Variants in OPCML observed in about 807,000 individuals in gnomAD.
The protein encoded by OPCML is opioid-binding protein/cell adhesion molecule.
Under a neutral mutation model 37.8 loss-of-function variants are expected in OPCML, and 13 were observed. The ratio of observed to expected loss-of-function variants is 0.34; its 90% CI spans 0.22 to 0.55. The LOEUF is 0.55. OPCML is among the 20% of genes least tolerant of loss of function. The probability of loss-of-function intolerance (pLI) is 0.91; values close to 1 mark genes in which losing one functional copy is unlikely to be tolerated. For missense variants in OPCML, 341 were observed against 435.6 expected (o/e 0.78, Z 1.93); for synonymous variants, 176 against 168.8 (o/e 1.04, Z -0.33).
At chr11:132,618,946 C>T (rs1939207182) in intron 3 of OPCML, among the ~76,000 whole-genome samples, 1 of 125,100 alleles carries the variant, frequency 8.0e-6, no homozygotes, top group Admixed American at 8.9e-5. Context: ...CACACACAAG[C>T]ACACGCATAC....
At chr11:132,499,112 G>A (rs1264727471) in intron 4 of OPCML, among the ~76,000 whole-genome samples, 2 of 152,204 alleles carry the variant, frequency 1.3e-5, no homozygotes, top group African/African-American at 4.8e-5. Context: ...GTCAGGTGGA[G>A]AAGGAACAAG....
intron 2 of OPCML, among the ~76,000 whole-genome samples, chr11:132,701,206 G>T (rs1943799705): frequency 6.6e-6 from 1 of 152,174 alleles, no homozygotes; most frequent in Non-Finnish European, 1.5e-5. Flanking sequence ...TTACATGTTG[G>T]CAGGCAAGAG....
intron 4 of OPCML, among the ~76,000 whole-genome samples, chr11:132,528,064 G>A (rs1236876393): frequency 6.6e-6 from 1 of 152,138 alleles, no homozygotes. Flanking sequence ...CAGACATCTA[G>A]CCTCCAGAGA....
chr11:133,531,134 C>T lies in OPCML; in HGVS notation c.61+1130G>A, dbSNP rs78333211. Among the ~76,000 whole-genome samples the T allele has an allele frequency of 6.8e-3, 1,041 of 152,194 alleles. 8 individuals are homozygous for T. The highest frequency in any genetic ancestry group is 0.019 in the African/African-American group (777 of 41,518). On this transcript the variant is annotated intron_variant, in intron 1 of 7. Transcript: ENST00000524381. ...CTGTGCGACGGTTTGGTATGAAAACCGACACTTTTGCTGCTGCCTAAAACC... is the reference window on the plus strand; with the variant it reads ...CTGTGCGACGGTTTGGTATGAAAACTGACACTTTTGCTGCTGCCTAAAACC...
chr11:132,792,407 C>T (rs1447672505), intron 2 of OPCML, among the ~76,000 whole-genome samples: 1 of 152,178 alleles, frequency 6.6e-6, no homozygotes, highest in Non-Finnish European at 1.5e-5. Flanking sequence ...CCACATCTTT[C>T]AAAGTCAACT....
intron 3 of OPCML, among the ~76,000 whole-genome samples, chr11:132,561,215 C>A (rs182863796): frequency 1.2e-4 from 18 of 152,308 alleles, no homozygotes; most frequent in Admixed American, 3.9e-4. Context: ...TTGGCTCTTA[C>A]CCTGTCTTAA....
chr11:133,503,599 T>C (rs577924767), intron 1 of OPCML, among the ~76,000 whole-genome samples: 51 of 152,336 alleles, frequency 3.3e-4, no homozygotes, highest in African/African-American at 1.2e-3. Context: ...GTATTCTTAC[T>C]ACATGGAAAA....
chr11:133,241,255 G>C (rs1207859202), intron 1 of OPCML, among the ~76,000 whole-genome samples: 1 of 152,204 alleles, frequency 6.6e-6, no homozygotes, highest in African/African-American at 2.4e-5. Context: ...CATGAGATCA[G>C]TAACTATTTT....
chr11:132,565,740 T>C (rs1037711488), intron 3 of OPCML, among the ~76,000 whole-genome samples: 1 of 152,192 alleles, frequency 6.6e-6, no homozygotes, highest in African/African-American at 2.4e-5. Context: ...AACTCTAATT[T>C]TTAAACATCT....
Position 132,657,232 on chromosome 11 carries a change from G to A in OPCML, c.234C>T (p.Asp78=), listed in dbSNP as rs1463148877. Residue 78 remains aspartate (D), a synonymous_variant, in exon 3 of 8, where the codon GAC becomes GAT. Transcript: ENST00000524381. ...LYAGNDKWSI[D]PRVIILVNTP... is the part of the protein sequence containing the mutation. ...TATTGACCAGGATGATCACACGAGGGTCTATGGACCACTTGTCATTCCCAG... is the reference window on the plus strand; with the variant it reads ...TATTGACCAGGATGATCACACGAGGATCTATGGACCACTTGTCATTCCCAG... 3.1e-6 allele frequency: 5 copies of A among 1,614,248 alleles called. No homozygotes were observed. Among genetic ancestry groups the A allele is most frequent in the South Asian group, 1.1e-5 (1 of 91,088 alleles).
rs557997678 is a variant in OPCML at position 133,252,966 on chromosome 11, T to A, written c.61+279298A>T. Among the ~76,000 whole-genome samples, 3 of 152,116 alleles carry A rather than the reference T, an allele frequency of 2.0e-5. No individual in the cohort carries two copies. The East Asian group carries it at 5.8e-4, about 30-fold the overall frequency. On this transcript the variant is annotated intron_variant, in intron 1 of 7. Transcript: ENST00000524381. Reference sequence around the variant, plus strand: ...TTCGAGACCAGCCTGACCAACATGGTGAAACCCCGTCTCTACTAAAAATAC... The same window carrying A: ...TTCGAGACCAGCCTGACCAACATGGAGAAACCCCGTCTCTACTAAAAATAC...
chr11:132,972,028 A>T (rs1946354124), intron 1 of OPCML, among the ~76,000 whole-genome samples: 1 of 152,180 alleles, frequency 6.6e-6, no homozygotes, highest in South Asian at 2.1e-4. Context: ...CAAGGGCCTA[A>T]ATACTTGCCA....
rs1408347100 is a variant in OPCML, at chr11:133,174,196, C to T, written c.62-231186G>A. Among the ~76,000 whole-genome samples the T allele has an allele frequency of 2.0e-5, 3 of 152,194 alleles. No individual in the cohort carries two copies. The highest frequency in any genetic ancestry group is 7.2e-5 in the African/African-American group (3 of 41,440). Reference sequence around the variant, plus strand: ...TTGGCACAAAGAAATGCTTCCCTCCCCTACCACGACAGGAAGAAGGAAATG... The same window carrying T: ...TTGGCACAAAGAAATGCTTCCCTCCTCTACCACGACAGGAAGAAGGAAATG... On this transcript the variant is annotated intron_variant, in intron 1 of 7. Transcript: ENST00000524381. The surrounding 1 kb of genome is among the most constrained non-coding windows in gnomAD (Gnocchi z 4.6).
chr11:133,323,560 T>C (rs1001967595), intron 1 of OPCML, among the ~76,000 whole-genome samples: 1 of 152,170 alleles, frequency 6.6e-6, no homozygotes, highest in Non-Finnish European at 1.5e-5. Flanking sequence ...GGTCATGCTA[T>C]TGGTGGTGTT....
chr11:132,795,095 C>T (rs759693649), intron 2 of OPCML, among the ~76,000 whole-genome samples: 10 of 151,872 alleles, frequency 6.6e-5, no homozygotes, highest in African/African-American at 1.9e-4. Flanking sequence ...TATTCATATA[C>T]GTATACACAC....
intron 1 of OPCML, among the ~76,000 whole-genome samples, chr11:133,060,908 C>T (rs896023408): frequency 3.3e-5 from 5 of 152,248 alleles, no homozygotes; most frequent in African/African-American, 1.2e-4. Flanking sequence ...CAAGTTTGCC[C>T]CCCTCAACAA....
In OPCML at chr11:132,961,674, G is replaced by GGTTT. The variant is rs367955755; in HGVS notation, c.62-18668_62-18665dup. The stretch of plus-strand genomic sequence containing the variant: ...AAGTTAGGTCAGCTCTGTGGCCTTT[G>GGTTT]GTTTCCTCATCTGTACGATGAGCCC... On this transcript the variant is annotated intron_variant, in intron 1 of 7. Transcript: ENST00000524381. Among the ~76,000 whole-genome samples the GGTTT allele has an allele frequency of 1.4e-3, 212 of 152,346 alleles. 1 individual carries two copies. Among genetic ancestry groups the GGTTT allele is most frequent in the Middle Eastern group, 6.8e-3 (2 of 294 alleles).
chr11:133,417,754 G>T (rs758714507), intron 1 of OPCML, among the ~76,000 whole-genome samples: 1 of 151,688 alleles, frequency 6.6e-6, no homozygotes, highest in Admixed American at 6.6e-5. Flanking sequence ...TAGGAAATTC[G>T]GGAGGAGACC....
chr11:132,522,065 A>G (rs1188332092), intron 4 of OPCML, among the ~76,000 whole-genome samples: 2 of 152,222 alleles, frequency 1.3e-5, no homozygotes, highest in African/African-American at 4.8e-5. Flanking sequence ...ATGTTATAAA[A>G]GTGTAATCAT....
Sources: gnomAD v4.1 joint callset for allele counts (sites outside exome capture counted in the v4.1 genomes callset) on GRCh38, gnomAD v4.1.1 for gene constraint, Gnocchi (gnomAD v3.1) non-coding constraint, MANE v1.5 for transcripts, NCBI Gene and HGNC (gene_info 2026-07-23, HGNC 2026-07-21) for gene names.